KCNT2: variants seen among roughly 807,000 people sequenced by gnomAD.
The protein encoded by KCNT2 is potassium sodium-activated channel subfamily T member 2.
In KCNT2, 67 loss-of-function variants were observed where a neutral mutation model predicts 153.8. The observed-to-expected ratio is 0.44, with a 90% CI of 0.36 to 0.53. The LOEUF is 0.53. KCNT2 is among the 20% of genes least tolerant of loss of function. The pLI, the probability that KCNT2 is intolerant of heterozygous loss-of-function variation, is 0.00. For synonymous variants in KCNT2, 500 were observed against 458.8 expected, an observed-to-expected ratio of 1.09 and a Z score of -1.15; for missense variants, 975 against 1,354.8, an observed-to-expected ratio of 0.72 and a Z score of 4.40.
chr1:196,302,952 G>A (rs1402311618), intron 22 of KCNT2, among the ~76,000 whole-genome samples: 9 of 151,146 alleles, frequency 6.0e-5, no homozygotes, highest in African/African-American at 1.7e-4. Context: ...ATATGTTGAT[G>A]TATTGAGTTT....
intron 8 of KCNT2, among the ~76,000 whole-genome samples, chr1:196,464,674 A>T (rs1677452450): frequency 6.6e-6 from 1 of 151,906 alleles, no homozygotes; most frequent in Admixed American, 6.6e-5. Context: ...CTCATTAAGG[A>T]TCTGAATGAA....
intron 1 of KCNT2, among the ~76,000 whole-genome samples, chr1:196,536,360 G>A (rs1334541159): frequency 1.3e-5 from 2 of 152,210 alleles, no homozygotes; most frequent in African/African-American, 2.4e-5. Context: ...AGCTAACAGT[G>A]CAGATTATCA....
intron 8 of KCNT2, among the ~76,000 whole-genome samples, chr1:196,438,070 T>C (rs1239509134): frequency 6.6e-6 from 1 of 151,704 alleles, no homozygotes; most frequent in Non-Finnish European, 1.5e-5. Flanking sequence ...AATAATAATA[T>C]TAACTTCCCA....
chr1:196,329,673 G>A (rs999848679), intron 18 of KCNT2, among the ~76,000 whole-genome samples: 5 of 150,566 alleles, frequency 3.3e-5, no homozygotes, highest in African/African-American at 1.2e-4. Context: ...TGTGGGGGAA[G>A]GGCCTTGAAA....
intron 13 of KCNT2, among the ~76,000 whole-genome samples, chr1:196,398,016 A>G (rs1035630055): frequency 2.6e-5 from 4 of 151,460 alleles, no homozygotes; most frequent in African/African-American, 9.7e-5. Flanking sequence ...TCAAAGTATA[A>G]TCTCATGTGA....
At chr1:196,526,169 G>A (rs1390577745) in intron 1 of KCNT2, among the ~76,000 whole-genome samples, 4 of 150,982 alleles carry the variant, frequency 2.6e-5, no homozygotes, top group Admixed American at 2.6e-4. Flanking sequence ...AAACTACAAG[G>A]TAGGGTCTTA....
intron 1 of KCNT2, among the ~76,000 whole-genome samples, chr1:196,588,519 C>A (rs1662958301): frequency 1.3e-5 from 2 of 151,984 alleles, no homozygotes; most frequent in Non-Finnish European, 2.9e-5. Context: ...TGTCTTATTG[C>A]AAACATTCTG....
At chr1:196,291,871 G>C (rs1179743005) in intron 22 of KCNT2, among the ~76,000 whole-genome samples, 1 of 152,060 alleles carries the variant, frequency 6.6e-6, no homozygotes, top group Non-Finnish European at 1.5e-5. Flanking sequence ...TCCATTAAAA[G>C]GCTCTTATTT....
intron 19 of KCNT2, among the ~76,000 whole-genome samples, chr1:196,321,002 T>TTC (rs1276320765): frequency 6.6e-6 from 1 of 151,702 alleles, no homozygotes; most frequent in African/African-American, 2.4e-5. Flanking sequence ...CATTGATTTT[T>TTC]TTTTTATCAT....
intron 1 of KCNT2, among the ~76,000 whole-genome samples, chr1:196,565,502 T>G (rs1421470877): frequency 6.6e-6 from 1 of 151,726 alleles, no homozygotes; most frequent in Non-Finnish European, 1.5e-5. Flanking sequence ...CATGTAGCAT[T>G]ATTCACAATA....
intron 8 of KCNT2, among the ~76,000 whole-genome samples, chr1:196,433,677 G>A (rs1674359342): frequency 6.6e-6 from 1 of 151,980 alleles, no homozygotes; most frequent in Non-Finnish European, 1.5e-5. Flanking sequence ...AGAAGCACAT[G>A]GCTCAATTAT....
rs1330741503 is a variant in KCNT2, at chr1:196,589,577, C to T, written c.95+18638G>A. Among the ~76,000 whole-genome samples, 3 of 152,056 alleles carry T rather than the reference C, an allele frequency of 2.0e-5. No homozygotes were observed. In the East Asian group the frequency reaches 5.8e-4, roughly 29 times the overall value. On this transcript the variant is annotated intron_variant, in intron 1 of 27. Transcript: ENST00000294725. ...AAACCAAAAACCAATCCCTCTGAGG[C>T]CAGCCCCTTCATAATCAATCTAATG...
intron 1 of KCNT2, among the ~76,000 whole-genome samples, chr1:196,592,970 G>A (rs1299274875): frequency 2.0e-5 from 3 of 150,116 alleles, no homozygotes; most frequent in African/African-American, 7.3e-5. Flanking sequence ...GGTAGTATTT[G>A]GTTACATGAG....
At chr1:196,242,573 T>C (rs923079052) in intron 26 of KCNT2, among the ~76,000 whole-genome samples, 1 of 152,172 alleles carries the variant, frequency 6.6e-6, no homozygotes, top group Non-Finnish European at 1.5e-5. Context: ...TTACAGAACA[T>C]TTTTATGATC....
chr1:196,567,631 G>T (rs1257459386), intron 1 of KCNT2, among the ~76,000 whole-genome samples: 1 of 152,174 alleles, frequency 6.6e-6, no homozygotes, highest in Non-Finnish European at 1.5e-5. Context: ...TTTAGATGTT[G>T]TTACAAGAAC....
At chr1:196,352,999 T>C (rs1174865287) in intron 14 of KCNT2, among the ~76,000 whole-genome samples, 1 of 152,122 alleles carries the variant, frequency 6.6e-6, no homozygotes, top group Non-Finnish European at 1.5e-5. Flanking sequence ...AGTTTCCATG[T>C]AGTTGAGCGG....
chr1:196,416,701 A>C (rs1313017360), intron 12 of KCNT2, among the ~76,000 whole-genome samples: 1 of 152,078 alleles, frequency 6.6e-6, no homozygotes, highest in African/African-American at 2.4e-5. Context: ...ATTTAATCAG[A>C]AGTTTAGATG....
intron 16 of KCNT2, among the ~76,000 whole-genome samples, chr1:196,338,142 T>C (rs186851714): frequency 2.6e-5 from 4 of 151,908 alleles, no homozygotes; most frequent in African/African-American, 9.7e-5. Context: ...CATGGAATAG[T>C]GTTTGGAGGG....
At chr1:196,229,609 A>G (rs895110232) in intron 27 of KCNT2, among the ~76,000 whole-genome samples, 5 of 152,138 alleles carry the variant, frequency 3.3e-5, no homozygotes, top group African/African-American at 1.2e-4. Flanking sequence ...AGGAACATCA[A>G]AAGCTTACAT....
Sources: gnomAD v4.1 joint callset for allele counts (sites outside exome capture counted in the v4.1 genomes callset) on GRCh38, gnomAD v4.1.1 for gene constraint, MANE v1.5 for transcripts, NCBI Gene and HGNC (gene_info 2026-07-23, HGNC 2026-07-21) for gene names.